The following TBCD variants were observed in gnomAD, a reference collection of about 807,000 sequenced individuals.
The protein encoded by TBCD is tubulin-specific chaperone D.
A neutral mutation model predicts 169.3 loss-of-function variants in TBCD; 105 were observed. The ratio of observed to expected loss-of-function variants is 0.62; its 90% CI spans 0.53 to 0.73. The LOEUF (loss-of-function observed/expected upper bound fraction) is 0.73. Among genes scored for constraint, TBCD ranks in the 30% least tolerant of loss-of-function variants. The pLI, the probability that TBCD is intolerant of heterozygous loss-of-function variation, is 0.00. For missense variants in TBCD, 1,444 were observed against 1,600.1 expected, an observed-to-expected ratio of 0.90 and a Z score of 1.66; for synonymous variants, 700 against 643.9, an observed-to-expected ratio of 1.09 and a Z score of -1.32.
In TBCD at chr17:82,790,013, T is replaced by C. The variant is rs2049590159; in HGVS notation, c.772-7744T>C. On this transcript the variant is annotated intron_variant, in intron 7 of 38. Coordinates refer to ENST00000355528, the MANE Select transcript of TBCD (RefSeq NM_005993.5). ...TGCCTGTGTGGACGTGGCTCTGACA[T>C]GTCTCCTTCCTGGTTCATTGCTCAT... is the stretch of plus-strand genomic sequence containing the variant. 2.0e-5 allele frequency among the ~76,000 whole-genome samples: 3 copies of C among 147,176 alleles called. No individual in the cohort carries two copies. The South Asian group carries it at 6.2e-4, about 31-fold the overall frequency.
chr17:82,792,169 G>A (rs867509195), intron 7 of TBCD, among the ~76,000 whole-genome samples: 44 of 152,224 alleles, frequency 2.9e-4, no homozygotes, highest in Middle Eastern at 6.8e-3. Flanking sequence ...TTAGCCGGGC[G>A]TGGTGGCGGG....
Position 82,903,346 on chromosome 17 carries a change from T to C in TBCD, c.1731-59T>C. 4 of 1,486,232 alleles carry C rather than the reference T, an allele frequency of 2.7e-6. No individual in the cohort carries two copies. The Middle Eastern group carries it at 6.8e-4, about 253-fold the overall frequency. 92.1% of individuals were successfully genotyped at this position (1,486,232 alleles called of 1,614,324 possible). Reference sequence around the variant, plus strand: ...GTCTCCCTCACTTTCTTTTTATGAATTGAATAAAGCTAGAATCATAAAATG... The same window carrying C: ...GTCTCCCTCACTTTCTTTTTATGAACTGAATAAAGCTAGAATCATAAAATG... On this transcript the variant is annotated intron_variant, in intron 18 of 38. Coordinates refer to ENST00000355528, the MANE Select transcript of TBCD (RefSeq NM_005993.5). This position sits in a 1 kb window ranked among gnomAD's most constrained non-coding sequence, Gnocchi z 4.8.
intron 13 of TBCD, among the ~76,000 whole-genome samples, chr17:82,842,640 GA>G (rs1567872288): frequency 6.6e-6 from 1 of 152,158 alleles, no homozygotes; most frequent in African/African-American, 2.4e-5. Context: ...GTGCAAGAGA[GA>G]TTTTTTTGGA....
chr17:82,921,394 G>T, intron 24 of TBCD, 107 bp from the exon 25 acceptor site: 1 of 909,548 alleles, frequency 1.1e-6, no homozygotes. Context: ...CCTCTCAAAG[G>T]TTACCATCGA....
Position 82,903,598 on chromosome 17 carries a change from A to G in TBCD, c.1804+120A>G. On this transcript the variant is annotated intron_variant, in intron 19 of 38. Coordinates refer to ENST00000355528, the MANE Select transcript of TBCD (RefSeq NM_005993.5). This position sits in a 1 kb window ranked among gnomAD's most constrained non-coding sequence, Gnocchi z 4.8. ...TTGTGCTTCTGTCTTGGTGAGAAGC[A>G]TCTGAGGAAAGAGCTGTGGACTTGA... 2.9e-6 allele frequency: 3 copies of G among 1,046,238 alleles called. No individual in the cohort carries two copies. Among genetic ancestry groups the G allele is most frequent in the Non-Finnish European group, 4.2e-6 (3 of 719,618 alleles). The allele number at this position is 1,046,238 out of a possible 1,614,324, so 64.8% of individuals were successfully genotyped here.
chr17:82,867,745 G>T (rs2057278889), intron 13 of TBCD, among the ~76,000 whole-genome samples: 1 of 152,198 alleles, frequency 6.6e-6, no homozygotes, highest in Non-Finnish European at 1.5e-5. Context: ...TGCATTCTGT[G>T]ATCCTCACTG....
intron 36 of TBCD, 78 bp from the exon 37 acceptor site, chr17:82,939,289 C>T (rs2062917913): frequency 8.3e-7 from 1 of 1,202,662 alleles, no homozygotes; most frequent in Non-Finnish European, 1.2e-6. Flanking sequence ...ACGGGGCTCC[C>T]TGGCCTGGGT....
rs1223517188 is a variant in TBCD at position 82,926,251 on chromosome 17, G to A, written c.2380-149G>A. 9.9e-6 allele frequency: 7 copies of A among 708,790 alleles called. No homozygotes were observed. In the Admixed American group the frequency reaches 1.4e-4, roughly 14 times the overall value. The allele number at this position is 708,790 out of a possible 1,614,324, so 43.9% of individuals were successfully genotyped here. A position where few individuals can be genotyped will look rare whatever the true frequency, so the allele number is the denominator to read the frequency against. ...GGGTGTCCTTCCTGGGTTGTACCAG[G>A]GGCCATGGATGGCCGTGAGGAAGGT... On this transcript the variant is annotated intron_variant, in intron 27 of 38. Coordinates refer to ENST00000355528, the MANE Select transcript of TBCD (RefSeq NM_005993.5).
At position 82,920,610 on chromosome 17, in the gene TBCD, C is replaced by T; in HGVS notation, c.2093C>T (p.Thr698Ile). ...SLSKMPFRGD[T>I]VIDGWQWLIN... ...TCCAAAATGCCCTTTAGAGGTGACA[C>T]CGTAATTGGTAAGTGCTTTTGTTTT... Residue 698 changes from threonine to isoleucine, a missense_variant, in exon 24 of 39, where the codon ACC (threonine) becomes ATC (isoleucine). Thr to Ile is a moderately conservative substitution (Grantham distance 89). Coordinates refer to ENST00000355528, the MANE Select transcript of TBCD (RefSeq NM_005993.5). The surrounding 1 kb of genome is among the most constrained non-coding windows in gnomAD (Gnocchi z 4.1). 2 of 1,550,686 alleles carry T rather than the reference C, an allele frequency of 1.3e-6. No individual in the cohort carries two copies. Among genetic ancestry groups the T allele is most frequent in the Non-Finnish European group, 1.7e-6 (2 of 1,147,580 alleles).
rs144356471 is a variant in TBCD, at chr17:82,926,140, G to A, written c.2380-260G>A. Among the ~76,000 whole-genome samples the A allele has an allele frequency of 3.7e-3, 457 of 125,092 alleles. 24 individuals are homozygous for A. Among genetic ancestry groups the A allele is most frequent in the African/African-American group, 0.015 (420 of 28,618 alleles). The allele number at this position is 125,092 out of a possible 152,430, so 82.1% of individuals were successfully genotyped here. On this transcript the variant is annotated intron_variant, in intron 27 of 38. Coordinates refer to ENST00000355528, the MANE Select transcript of TBCD (RefSeq NM_005993.5). ...TCCTTCCTGGGTTGTACCGGGGGCC[G>A]TGGAGAGGCTGGAGGTGACTCCTCC...
intron 13 of TBCD, among the ~76,000 whole-genome samples, chr17:82,828,512 C>T (rs1395012708): frequency 5.5e-5 from 8 of 145,886 alleles, no homozygotes; most frequent in African/African-American, 1.8e-4. Context: ...GCACCCCCCC[C>T]GCAGATATGC....
intron 34 of TBCD, chr17:82,932,976 G>C (rs2062327882): frequency 5.7e-6 from 3 of 522,646 alleles, no homozygotes; most frequent in South Asian, 2.1e-5. Context: ...CTGGGGCTGA[G>C]GCGGGGGCCC....
In TBCD at chr17:82,782,666, T is replaced by G. The variant is rs186418010; in HGVS notation, c.771+945T>G. Among the ~76,000 whole-genome samples the G allele has an allele frequency of 1.3e-5, 2 of 152,306 alleles. No individual in the cohort carries two copies. Among genetic ancestry groups the G allele is most frequent in the East Asian group, 3.9e-4 (2 of 5,168 alleles). ...TGGAAGGACACTTTGGAGCGCGTTT[T>G]AGGGGAGATGATGAGTGCCACCTCG... On this transcript the variant is annotated intron_variant, in intron 7 of 38. Transcript: ENST00000355528. The surrounding 1 kb of genome is among the most constrained non-coding windows in gnomAD (Gnocchi z 5.1).
intron 23 of TBCD, among the ~76,000 whole-genome samples, chr17:82,917,230 G>A (rs180767608): frequency 4.5e-4 from 68 of 152,058 alleles, no homozygotes; most frequent in Non-Finnish European, 7.8e-4. Flanking sequence ...ACGTTGGCCA[G>A]GCTGGTCTCG....
At position 82,929,460 on chromosome 17, in the gene TBCD, TG is replaced by T. The variant is rs2062023045; in HGVS notation, c.2955del (p.Leu986Ter). On this transcript the variant is annotated frameshift_variant, in exon 32 of 39. Coordinates refer to ENST00000355528, the MANE Select transcript of TBCD (RefSeq NM_005993.5). LOFTEE classifies it high-confidence loss of function. ...CCCACCTACCGCTACCACGTCCTGC[TG>T]GGGCTAGTCGTGTCCCTGGGCGGCT... ...GLPTYRYHVL[L>X]GLVVSLGGLT... The T allele has an allele frequency of 6.2e-7, 1 of 1,610,832 alleles. No individual in the cohort carries two copies.
chr17:82,867,935 C>G (rs1051058262), intron 13 of TBCD, among the ~76,000 whole-genome samples: 1 of 152,122 alleles, frequency 6.6e-6, no homozygotes, highest in Non-Finnish European at 1.5e-5. Flanking sequence ...GCACAGGTCC[C>G]CCAGGGGGAG....
intron 27 of TBCD, 100 bp from the exon 28 acceptor site, chr17:82,926,300 T>C: frequency 2.7e-6 from 3 of 1,102,690 alleles, no homozygotes; most frequent in Non-Finnish European, 4.0e-6. Context: ...GCCTATCTCA[T>C]GGTGTGGGGT....
Position 82,945,026 on chromosome 17 carries a change from T to G in TBCD, c.*2563T>G, listed in dbSNP as rs1229226030. The stretch of plus-strand genomic sequence containing the variant: ...TGATTGACTTGGCCCTGACCAGTGG[T>G]ATTCCCAGACAAGGGCAGAAGATGC... On this transcript the variant is annotated 3_prime_UTR_variant, in exon 39 of 39. Coordinates refer to ENST00000355528, the MANE Select transcript of TBCD (RefSeq NM_005993.5). The G allele has an allele frequency of 6.6e-6, 1 of 152,186 alleles. No homozygotes were observed. Among genetic ancestry groups the G allele is most frequent in the East Asian group, 1.9e-4 (1 of 5,200 alleles). 9.4% of individuals were successfully genotyped at this position (152,186 alleles called of 1,614,324 possible). A position where few individuals can be genotyped will look rare whatever the true frequency, so the allele number is the denominator to read the frequency against.
chr17:82,926,832 G>GC (rs917442591), intron 28 of TBCD: 10 of 497,606 alleles, frequency 2.0e-5, no homozygotes, highest in Non-Finnish European at 3.6e-5. Context: ...CACGCCATAT[G>GC]CCCTCTCCTC....
Sources: gnomAD v4.1 joint callset for allele counts (sites outside exome capture counted in the v4.1 genomes callset) on GRCh38, gnomAD v4.1.1 for gene constraint, Gnocchi (gnomAD v3.1) non-coding constraint, MANE v1.5 for transcripts, NCBI Gene and HGNC (gene_info 2026-07-23, HGNC 2026-07-21) for gene names.